The following RSPRY1 variants were observed in gnomAD, a reference collection of about 807,000 sequenced individuals.
RSPRY1 encodes the protein RING finger and SPRY domain-containing protein 1.
Under a neutral mutation model 73.1 loss-of-function variants are expected in RSPRY1, and 23 were observed. The observed-to-expected ratio is 0.31, with a 90% CI of 0.23 to 0.45. RSPRY1 has a LOEUF of 0.45. Among genes scored for constraint, RSPRY1 ranks in the 20% least tolerant of loss-of-function variants. The pLI is 1.00. For missense variants in RSPRY1, 448 were observed against 698.7 expected (o/e 0.64, Z 4.05); for synonymous variants, 226 against 251.4 (o/e 0.90, Z 0.95).
chr16:57,199,832 A>C (rs1597862663), intron 1 of RSPRY1, among the ~76,000 whole-genome samples: 4 of 63,488 alleles, frequency 6.3e-5, no homozygotes, highest in Admixed American at 4.2e-4. Context: ...CTTATCAGTG[A>C]AATTTCTTTT....
At chr16:57,214,365 A>G (rs1214422279) in intron 6 of RSPRY1, among the ~76,000 whole-genome samples, 1 of 152,196 alleles carries the variant, frequency 6.6e-6, no homozygotes, top group Admixed American at 6.5e-5. Flanking sequence ...TGCTACTCTT[A>G]AAACTGTTGT....
Position 57,237,893 on chromosome 16 carries a change from A to G in RSPRY1, c.1635-986A>G, listed in dbSNP as rs139340196. ...ATGCCCAGCTAATTTTTGTATTTTT[A>G]GTAGAGACGGGGTTTCACCAGCTAG... On this transcript the variant is annotated intron_variant, in intron 14 of 14. Coordinates refer to ENST00000394420, the MANE Select transcript of RSPRY1 (RefSeq NM_133368.3). 3.4e-3 allele frequency among the ~76,000 whole-genome samples: 522 copies of G among 152,122 alleles called. 3 individuals are homozygous for G. The highest frequency in any genetic ancestry group is 0.014 in the Middle Eastern group (4 of 294).
intron 13 of RSPRY1, among the ~76,000 whole-genome samples, chr16:57,233,703 T>C (rs1466364477): frequency 6.6e-6 from 1 of 152,154 alleles, no homozygotes; most frequent in Non-Finnish European, 1.5e-5. Flanking sequence ...ATCATCCCAG[T>C]TTCCCTGGCC....
intron 10 of RSPRY1, among the ~76,000 whole-genome samples, chr16:57,226,447 G>A (rs1324724897): frequency 6.6e-6 from 1 of 152,174 alleles, no homozygotes; most frequent in Admixed American, 6.5e-5. Context: ...GTTATTTCTC[G>A]ATTATATGCT....
chr16:57,233,979 T>C (rs1380115383), intron 13 of RSPRY1, among the ~76,000 whole-genome samples: 3 of 152,100 alleles, frequency 2.0e-5, no homozygotes, highest in Non-Finnish European at 4.4e-5. Flanking sequence ...ATCACACACT[T>C]CTCTGCTCAA....
intron 8 of RSPRY1, chr16:57,219,944 C>T (rs1377360970): frequency 6.6e-6 from 1 of 152,096 alleles, no homozygotes; most frequent in African/African-American, 2.4e-5. Context: ...TTCTTGGCAC[C>T]TTTGTTGAAA....
At chr16:57,215,301 G>A (rs1567503388) in intron 6 of RSPRY1, among the ~76,000 whole-genome samples, 1 of 152,222 alleles carries the variant, frequency 6.6e-6, no homozygotes, top group African/African-American at 2.4e-5. Context: ...TTTAGGGCCT[G>A]AAAAGCCAGG....
chr16:57,194,064 TAAA>T (rs377064360), intron 1 of RSPRY1, among the ~76,000 whole-genome samples: 2 of 145,720 alleles, frequency 1.4e-5, no homozygotes, highest in African/African-American at 5.0e-5. Flanking sequence ...AGATTCCGTT[TAAA>T]AAAAAAAAAG....
rs1472084293 is a variant in RSPRY1, at chr16:57,216,936, A to G, written c.802A>G (p.Ile268Val). The change falls in exon 8 of 15, where the codon ATT becomes GTT. Residue 268 changes from isoleucine to valine, a missense_variant. Physicochemically the swap from Ile to Val is conservative, Grantham distance 29. Transcript: ENST00000394420. ...TAAATTGACTATTTCTGAATCCAGT[A>G]TTAGTGACCGGCTTGTCACATTGGA... ...ENKLTISESS[I>V]SDRLVTLESW... The G allele has an allele frequency of 1.4e-5, 22 of 1,613,228 alleles. No homozygotes were observed. Among genetic ancestry groups the G allele is most frequent in the Non-Finnish European group, 1.9e-5 (22 of 1,179,276 alleles).
chr16:57,216,202 ATCT>A, intron 7 of RSPRY1, 29 bp downstream of exon 7: 1 of 1,504,124 alleles, frequency 6.6e-7, no homozygotes, highest in Non-Finnish European at 9.2e-7. Context: ...TGCACTAATG[ATCT>A]TCTGTATTGG....
rs1597877522 is a variant in RSPRY1 at position 57,204,727 on chromosome 16, C to G, written c.69C>G (p.Leu23=). The change falls in exon 2 of 15, where the codon CTC becomes CTG. Residue 23 remains leucine, a synonymous_variant. Coordinates refer to ENST00000394420, the MANE Select transcript of RSPRY1 (RefSeq NM_133368.3). ...TTGGCCAGGGTCTGTTGTTGACTCT[C>G]GAAGAGCACATAGCCCACTTCCTAG... ...RSLGQGLLLT[L]EEHIAHFLGT... 2 of 1,614,184 alleles carry G rather than the reference C, an allele frequency of 1.2e-6. No homozygotes were observed. The highest frequency in any genetic ancestry group is 1.6e-4 in the Middle Eastern group (1 of 6,062).
At chr16:57,216,697 G>A (rs1216335835) in intron 7 of RSPRY1, among the ~76,000 whole-genome samples, 2 of 152,150 alleles carry the variant, frequency 1.3e-5, no homozygotes, top group South Asian at 2.1e-4. Flanking sequence ...TCCAGCCTAG[G>A]CAACAGAGTG....
At chr16:57,199,715 A>G (rs555121158) in intron 1 of RSPRY1, among the ~76,000 whole-genome samples, 4 of 152,130 alleles carry the variant, frequency 2.6e-5, no homozygotes, top group Non-Finnish European at 5.9e-5. Context: ...TACAATTTCA[A>G]GTAAATATTC....
rs184893568 is a variant in RSPRY1, at chr16:57,235,343, G to A, written c.1634+115G>A. ...GGCTGAATGAGGAACTAGAGTTTAA[G>A]TAGAACCTGGCTGTCTTCCAGAAAG... On this transcript the variant is annotated intron_variant, in intron 14 of 14. Transcript: ENST00000394420. 1.8e-5 allele frequency: 13 copies of A among 704,536 alleles called. No homozygotes were observed. In the African/African-American group the frequency reaches 2.1e-4, roughly 12 times the overall value. The allele number at this position is 704,536 out of a possible 1,614,324, so 43.6% of individuals were successfully genotyped here. A position where few individuals can be genotyped will look rare whatever the true frequency, so the allele number is the denominator to read the frequency against.
chr16:57,218,607 C>G (rs2074978744), intron 8 of RSPRY1, among the ~76,000 whole-genome samples: 1 of 150,398 alleles, frequency 6.6e-6, no homozygotes, highest in Non-Finnish European at 1.5e-5. Flanking sequence ...CTGTGCCTGA[C>G]TTATTTCACT....
intron 14 of RSPRY1, 54 bp downstream of exon 14, chr16:57,235,282 C>T (rs2075284202): frequency 2.0e-5 from 25 of 1,266,096 alleles, no homozygotes; most frequent in Non-Finnish European, 2.8e-5. Context: ...TTGCTAGTTC[C>T]ATGGCTGTTC....
intron 1 of RSPRY1, among the ~76,000 whole-genome samples, chr16:57,198,492 C>A (rs2074495100): frequency 6.6e-6 from 1 of 152,140 alleles, no homozygotes; most frequent in Admixed American, 6.5e-5. Flanking sequence ...ATCCAACAAA[C>A]CTCTTTTTAA....
intron 10 of RSPRY1, among the ~76,000 whole-genome samples, chr16:57,224,218 A>C (rs1405440590): frequency 1.3e-5 from 2 of 152,202 alleles, no homozygotes; most frequent in Non-Finnish European, 2.9e-5. Flanking sequence ...CTGGAAATCC[A>C]TCCTAACTAT....
At chr16:57,209,880 G>A (rs7202405) in intron 4 of RSPRY1, among the ~76,000 whole-genome samples, 6,766 of 152,076 alleles carry the variant, frequency 0.044, 174 homozygotes, top group African/African-American at 0.067. Flanking sequence ...TCATCATGTT[G>A]CCCAGGCTGG....
Sources: gnomAD v4.1 joint callset for allele counts (sites outside exome capture counted in the v4.1 genomes callset) on GRCh38, gnomAD v4.1.1 for gene constraint, MANE v1.5 for transcripts, NCBI Gene and HGNC (gene_info 2026-07-23, HGNC 2026-07-21) for gene names.